The following AGBL4 variants were observed in gnomAD, a reference collection of about 807,000 sequenced individuals.
AGBL4 encodes the protein AGBL carboxypeptidase 4.
AGBL4 carries 58 observed loss-of-function variants against 66.4 expected under a neutral mutation model. The ratio of observed to expected loss-of-function variants is 0.87; its 90% CI spans 0.71 to 1.09. The LOEUF (loss-of-function observed/expected upper bound fraction) is 1.09, where lower values mean the gene tolerates loss of function less well. Ranked by LOEUF, AGBL4 falls within the 50% of genes least tolerant of loss-of-function variation. The pLI is 0.00. For synonymous variants in AGBL4, 234 were observed against 222.9 expected (o/e 1.05, Z -0.44); for missense variants, 579 against 631.0 (o/e 0.92, Z 0.88).
intron 3 of AGBL4, among the ~76,000 whole-genome samples, chr1:49,608,123 T>G (rs1645092716): frequency 3.9e-5 from 6 of 152,008 alleles, no homozygotes; most frequent in Admixed American, 3.9e-4. Context: ...GAAATATTGA[T>G]GTAGGTTCTT....
intron 4 of AGBL4, among the ~76,000 whole-genome samples, chr1:49,086,004 C>T (rs1644900693): frequency 6.6e-6 from 1 of 152,158 alleles, no homozygotes; most frequent in African/African-American, 2.4e-5. Context: ...CTTTGTTAGA[C>T]AAGGTTTGGT....
At chr1:48,647,319 A>G (rs748203082) in intron 8 of AGBL4, among the ~76,000 whole-genome samples, 2 of 152,250 alleles carry the variant, frequency 1.3e-5, no homozygotes, top group Non-Finnish European at 2.9e-5. Context: ...GCATTCTGCT[A>G]TCTTTTGGGT....
chr1:49,681,514 T>C (rs1367689666), intron 3 of AGBL4, among the ~76,000 whole-genome samples: 1 of 152,158 alleles, frequency 6.6e-6, no homozygotes, highest in African/African-American at 2.4e-5. Context: ...GCTTCCAGTG[T>C]TAGCACTCTA....
intron 4 of AGBL4, among the ~76,000 whole-genome samples, chr1:49,073,815 G>T (rs941442523): frequency 6.6e-6 from 1 of 152,212 alleles, no homozygotes; most frequent in Admixed American, 6.5e-5. Context: ...AGAGCTGTCA[G>T]ACAGGAACAT....
intron 8 of AGBL4, among the ~76,000 whole-genome samples, chr1:48,641,347 C>T (rs1176206023): frequency 7.1e-6 from 1 of 141,414 alleles, no homozygotes; most frequent in Non-Finnish European, 1.6e-5. Context: ...CAGGCAGTGT[C>T]CTTTGTCCCA....
At chr1:49,505,964 T>G (rs1414764896) in intron 3 of AGBL4, among the ~76,000 whole-genome samples, 1 of 152,058 alleles carries the variant, frequency 6.6e-6, no homozygotes, top group Non-Finnish European at 1.5e-5. Flanking sequence ...GTTTACAGAT[T>G]CTTCTAATTG....
intron 11 of AGBL4, among the ~76,000 whole-genome samples, chr1:48,555,170 A>G (rs2148289051): frequency 7.0e-6 from 1 of 141,908 alleles, no homozygotes; most frequent in East Asian, 2.0e-4. Context: ...CCTGAGCTGA[A>G]TTGAGGGGGT....
chr1:49,383,905 C>T (rs1570583292), intron 3 of AGBL4, among the ~76,000 whole-genome samples: 1 of 151,854 alleles, frequency 6.6e-6, no homozygotes, highest in African/African-American at 2.4e-5. Flanking sequence ...CAGGCGATTC[C>T]CCTGCCTCAG....
At chr1:48,826,050 T>C (rs1385741585) in intron 6 of AGBL4, among the ~76,000 whole-genome samples, 1 of 152,130 alleles carries the variant, frequency 6.6e-6, no homozygotes, top group Non-Finnish European at 1.5e-5. Flanking sequence ...GGACTTTCTC[T>C]TATAAACGAT....
intron 3 of AGBL4, among the ~76,000 whole-genome samples, chr1:49,282,664 G>A (rs527314643): frequency 2.7e-4 from 41 of 152,304 alleles, no homozygotes; most frequent in South Asian, 1.0e-3. Flanking sequence ...GTAGGTGCTC[G>A]CACCGTGCGC....
intron 9 of AGBL4, among the ~76,000 whole-genome samples, chr1:48,595,760 TTCTC>T (rs1218957017): frequency 1.3e-5 from 2 of 152,196 alleles, no homozygotes; most frequent in Admixed American, 1.3e-4. Flanking sequence ...TGGGTTTTCT[TTCTC>T]TATTCTGAGC....
intron 3 of AGBL4, among the ~76,000 whole-genome samples, chr1:49,431,773 T>C (rs1209581046): frequency 1.3e-5 from 2 of 152,122 alleles, no homozygotes; most frequent in East Asian, 3.9e-4. Context: ...AAACTTATAA[T>C]AGTACAGAAA....
chr1:50,001,128 A>G (rs1222910664), intron 1 of AGBL4, among the ~76,000 whole-genome samples: 2 of 151,586 alleles, frequency 1.3e-5, no homozygotes, highest in African/African-American at 4.8e-5. Context: ...GATTATATAT[A>G]TGTCTGTATA....
intron 3 of AGBL4, among the ~76,000 whole-genome samples, chr1:49,530,273 C>CAAAAAAAAAAAAAAAAAAAAAAA (rs1171374859): frequency 8.9e-6 from 1 of 111,928 alleles, no homozygotes; most frequent in African/African-American, 3.6e-5. Context: ...AAAAAAAAAA[C>CAAAAAAAAAAAAAAAAAAAAAAA]AAAAAAAAAC....
At chr1:48,614,974 A>T (rs1176775754) in intron 9 of AGBL4, among the ~76,000 whole-genome samples, 1 of 152,174 alleles carries the variant, frequency 6.6e-6, no homozygotes, top group African/African-American at 2.4e-5. Context: ...TACAGCTGTG[A>T]CAATGACAGA....
At chr1:48,662,686 G>A (rs1466929563) in intron 7 of AGBL4, among the ~76,000 whole-genome samples, 1 of 152,154 alleles carries the variant, frequency 6.6e-6, no homozygotes, top group African/African-American at 2.4e-5. Flanking sequence ...GCTTACTCTT[G>A]GCAGGTATTT....
intron 4 of AGBL4, among the ~76,000 whole-genome samples, chr1:49,157,595 C>T (rs1646458787): frequency 6.6e-6 from 1 of 152,012 alleles, no homozygotes; most frequent in Admixed American, 6.6e-5. Flanking sequence ...GGGTATATAC[C>T]CAGTAATGGG....
intron 3 of AGBL4, among the ~76,000 whole-genome samples, chr1:49,554,700 G>A (rs1033932123): frequency 1.3e-5 from 2 of 152,116 alleles, no homozygotes; most frequent in East Asian, 1.9e-4. Context: ...ATGAAGACGC[G>A]GACCCTCGCG....
chr1:49,710,172 A>G (rs1024437583), intron 2 of AGBL4, among the ~76,000 whole-genome samples: 4 of 152,216 alleles, frequency 2.6e-5, no homozygotes, highest in Admixed American at 2.6e-4. Context: ...TCACAATAGC[A>G]AAGACTTGGA....
Sources: gnomAD v4.1 joint callset for allele counts (sites outside exome capture counted in the v4.1 genomes callset) on GRCh38, gnomAD v4.1.1 for gene constraint, MANE v1.5 for transcripts, NCBI Gene and HGNC (gene_info 2026-07-23, HGNC 2026-07-21) for gene names.